Variants in ADAMTS16 observed in about 807,000 individuals in gnomAD.
ADAMTS16 encodes A disintegrin and metalloproteinase with thrombospondin motifs 16.
In ADAMTS16, 94 loss-of-function variants were observed where a neutral mutation model predicts 145.8. The observed-to-expected ratio is 0.64, with a 90% CI of 0.55 to 0.77. ADAMTS16 has a LOEUF of 0.77. Ranked by LOEUF, ADAMTS16 falls within the 30% of genes least tolerant of loss-of-function variation. The pLI is 0.00. For synonymous variants in ADAMTS16, 659 were observed against 604.3 expected (o/e 1.09, Z -1.33); for missense variants, 1,585 against 1,591.5 (o/e 1.00, Z 0.07).
Position 5,319,196 on chromosome 5 carries a change from A to G in ADAMTS16, c.*58A>G. The G allele has an allele frequency of 1.5e-6, 2 of 1,291,922 alleles. No individual in the cohort carries two copies. The highest frequency in any genetic ancestry group is 2.4e-5 in the East Asian group (1 of 41,478). The allele number at this position is 1,291,922 out of a possible 1,614,324, so 80.0% of individuals were successfully genotyped here. ...CTGCGTGGCACAGAAATTTCCCACA[A>G]ATGAGCTGTGCAATCTACGTCGGAA... On this transcript the variant is annotated 3_prime_UTR_variant, in exon 23 of 23. Transcript: ENST00000274181.
rs1383577452 is a variant in ADAMTS16 at position 5,193,162 on chromosome 5, T to TGTGTGTGTGC, written c.1313+1373_1313+1374insTGTGTGTGCG. Among the ~76,000 whole-genome samples the TGTGTGTGTGC allele has an allele frequency of 9.1e-4, 97 of 107,062 alleles. 1 individual carries two copies. Among genetic ancestry groups the TGTGTGTGTGC allele is most frequent in the African/African-American group, 2.8e-3 (89 of 32,258 alleles). 70.2% of individuals were successfully genotyped at this position (107,062 alleles called of 152,430 possible). A position where few individuals can be genotyped will look rare whatever the true frequency, so the allele number is the denominator to read the frequency against. On this transcript the variant is annotated intron_variant, in intron 8 of 22. Coordinates refer to ENST00000274181, the MANE Select transcript of ADAMTS16 (RefSeq NM_139056.4). ...CAGTGTGTGTGTGTGTGTGTGTGTG[T>TGTGTGTGTGC]GCGCGCGCGCACATATACGTGTACA...
chr5:5,146,056 T>C (rs1734282966), intron 2 of ADAMTS16, 74 bp from the exon 3 acceptor site: 1 of 1,315,150 alleles, frequency 7.6e-7, no homozygotes, highest in Admixed American at 2.1e-5. Flanking sequence ...TAAAATAATA[T>C]TATATCTTAA....
Position 5,189,970 on chromosome 5 carries a change from G to A in ADAMTS16, c.1048-1G>A. 1 of 1,610,264 alleles carries A rather than the reference G, an allele frequency of 6.2e-7. No individual in the cohort carries two copies. Among genetic ancestry groups the A allele is most frequent in the Non-Finnish European group, 8.5e-7 (1 of 1,178,686 alleles). The stretch of plus-strand genomic sequence containing the variant: ...GTCCTCGGTCCTTGTCTCTTGCACA[G>A]CCAGGACTGGTGATAAGTCACCACG... On this transcript the variant is annotated splice_acceptor_variant, in intron 6 of 22. Transcript: ENST00000274181. LOFTEE classifies it high-confidence loss of function.
At chr5:5,173,852 T>C (rs1735116654) in intron 3 of ADAMTS16, among the ~76,000 whole-genome samples, 1 of 152,240 alleles carries the variant, frequency 6.6e-6, no homozygotes, top group Non-Finnish European at 1.5e-5. Context: ...GCTTTAACTT[T>C]GTCCTCCAGC....
At chr5:5,291,045 A>G (rs1303489616) in intron 18 of ADAMTS16, among the ~76,000 whole-genome samples, 1 of 152,316 alleles carries the variant, frequency 6.6e-6, no homozygotes, top group African/African-American at 2.4e-5. Context: ...TTCTAATTTT[A>G]GAAATTCTAA....
At chr5:5,158,290 C>T (rs576926493) in intron 3 of ADAMTS16, among the ~76,000 whole-genome samples, 8 of 152,232 alleles carry the variant, frequency 5.3e-5, no homozygotes, top group Non-Finnish European at 1.0e-4. Context: ...TGCCTGGCAG[C>T]GTTCCCAACC....
Position 5,237,801 on chromosome 5 carries a change from C to A in ADAMTS16, c.2154+702C>A, listed in dbSNP as rs1015827132. On this transcript the variant is annotated intron_variant, in intron 14 of 22. Coordinates refer to ENST00000274181, the MANE Select transcript of ADAMTS16 (RefSeq NM_139056.4). ...GGCAGACAGGGATGCAGGAGACAAG[C>A]TGGGGAAGTGTTGGTGGCTAAAGGA... Among the ~76,000 whole-genome samples, 5 of 152,176 alleles carry A rather than the reference C, an allele frequency of 3.3e-5. 1 individual carries two copies. Among genetic ancestry groups the A allele is most frequent in the Middle Eastern group, 6.8e-3 (2 of 294 alleles).
rs1157415512 is a variant in ADAMTS16 at position 5,222,855 on chromosome 5, G to A, written c.1672G>A (p.Ala558Thr). Residue 558 changes from alanine to threonine, a missense_variant, in exon 11 of 23, where the codon GCA (alanine) becomes ACA (threonine). Physicochemically the swap from Ala to Thr is moderately conservative, Grantham distance 58 (BLOSUM62 0). Transcript: ENST00000274181. ...ATGTGAGACTAAATTTATGCCAGCA[G>A]CAGAAGGCACAATTTGTGGGCATGA... ...RKCETKFMPA[A>T]EGTICGHDMW... The A allele has an allele frequency of 6.2e-6, 10 of 1,614,148 alleles. No homozygotes were observed. The highest frequency in any genetic ancestry group is 8.5e-6 in the Non-Finnish European group (10 of 1,179,992).
chr5:5,151,496 C>G (rs914183031), intron 3 of ADAMTS16, among the ~76,000 whole-genome samples: 5 of 152,070 alleles, frequency 3.3e-5, no homozygotes, highest in African/African-American at 1.2e-4. Context: ...CCTCAGCCTC[C>G]CAAAGTGCTG....
intron 8 of ADAMTS16, among the ~76,000 whole-genome samples, chr5:5,199,930 G>A (rs1262829756): frequency 6.6e-6 from 1 of 152,188 alleles, no homozygotes. Flanking sequence ...AGGCAATTTG[G>A]TGGATGGTCC....
intron 3 of ADAMTS16, among the ~76,000 whole-genome samples, chr5:5,155,844 G>A (rs1397175252): frequency 6.6e-6 from 1 of 152,052 alleles, no homozygotes; most frequent in Non-Finnish European, 1.5e-5. Context: ...GAAGTCCACA[G>A]GGGACAGACA....
chr5:5,242,646 T>C (rs1327746932), intron 17 of ADAMTS16, among the ~76,000 whole-genome samples: 1 of 152,116 alleles, frequency 6.6e-6, no homozygotes, highest in Non-Finnish European at 1.5e-5. Context: ...ATAGTCAGAT[T>C]TGTCCAGAAA....
intron 6 of ADAMTS16, among the ~76,000 whole-genome samples, chr5:5,189,461 GAA>G (rs1735597517): frequency 6.6e-6 from 1 of 152,134 alleles, no homozygotes; most frequent in Non-Finnish European, 1.5e-5. Context: ...CCTCCTCTCA[GAA>G]ATATACTGCC....
intron 18 of ADAMTS16, among the ~76,000 whole-genome samples, chr5:5,294,775 G>C (rs1171574209): frequency 6.6e-6 from 1 of 152,178 alleles, no homozygotes. Context: ...GCTGGAGGAT[G>C]AAGCCAGGGG....
At chr5:5,223,054 G>T in intron 11 of ADAMTS16, 170 bp downstream of exon 11, 2 of 546,058 alleles carry the variant, frequency 3.7e-6, no homozygotes, top group Non-Finnish European at 6.4e-6. Context: ...ATGTGAAGAG[G>T]AATCCTTTTC....
At chr5:5,203,886 C>T (rs1282940657) in intron 9 of ADAMTS16, among the ~76,000 whole-genome samples, 1 of 152,100 alleles carries the variant, frequency 6.6e-6, no homozygotes, top group African/African-American at 2.4e-5. Context: ...GGCGCCGTAC[C>T]CCATACTACT....
At chr5:5,305,774 C>T (rs1008942534) in intron 20 of ADAMTS16, among the ~76,000 whole-genome samples, 3 of 152,214 alleles carry the variant, frequency 2.0e-5, no homozygotes, top group Non-Finnish European at 4.4e-5. Context: ...TGCACAGCAT[C>T]GTCCGCTCTA....
intron 17 of ADAMTS16, among the ~76,000 whole-genome samples, chr5:5,245,303 G>A (rs1263960450): frequency 6.6e-6 from 1 of 152,094 alleles, no homozygotes; most frequent in Non-Finnish European, 1.5e-5. Flanking sequence ...ATATTGGAGG[G>A]TGAAAATCCA....
At chr5:5,297,714 T>C (rs1050155885) in intron 18 of ADAMTS16, among the ~76,000 whole-genome samples, 2 of 151,750 alleles carry the variant, frequency 1.3e-5, no homozygotes, top group East Asian at 1.9e-4. Context: ...CTCCACACCT[T>C]TGGCTCCTCA....
Sources: gnomAD v4.1 joint callset for allele counts (sites outside exome capture counted in the v4.1 genomes callset) on GRCh38, gnomAD v4.1.1 for gene constraint, MANE v1.5 for transcripts, NCBI Gene and HGNC (gene_info 2026-07-23, HGNC 2026-07-21) for gene names.